Variants in MOSMO observed in about 807,000 individuals in gnomAD.
MOSMO encodes modulator of smoothened.
MOSMO carries 5 observed loss-of-function variants against 18.4 expected under a neutral mutation model. The observed-to-expected ratio is 0.27, with a 90% CI of 0.14 to 0.57. The LOEUF is 0.57. Ranked by LOEUF, MOSMO falls within the 20% of genes least tolerant of loss-of-function variation. The pLI, the probability that MOSMO is intolerant of heterozygous loss-of-function variation, is 0.92. For synonymous variants in MOSMO, 82 were observed against 82.3 expected, an observed-to-expected ratio of 1.00 and a Z score of 0.02; for missense variants, 138 against 211.8, an observed-to-expected ratio of 0.65 and a Z score of 2.16.
chr16:22,033,108 T>C (rs373326554), intron 1 of MOSMO, among the ~76,000 whole-genome samples: 22 of 152,302 alleles, frequency 1.4e-4, no homozygotes, highest in African/African-American at 4.8e-4. Flanking sequence ...GGTTTTGAAA[T>C]TGAGAAGTTT....
intron 1 of MOSMO, among the ~76,000 whole-genome samples, chr16:22,010,848 G>T (rs1317288503): frequency 1.3e-5 from 2 of 152,030 alleles, no homozygotes; most frequent in Non-Finnish European, 2.9e-5. Context: ...TTGAACTTGG[G>T]AGGCGGAGGT....
At chr16:22,092,476 G>GC (rs1450288723), downstream of MOSMO, 1 of 780,798 alleles carries the variant, frequency 1.3e-6, no homozygotes, top group African/African-American at 1.8e-5. Flanking sequence ...GCCCCGAGCT[G>GC]CAGTGGTGCA....
intron 1 of MOSMO, among the ~76,000 whole-genome samples, chr16:22,045,445 A>G (rs914497383): frequency 7.9e-5 from 12 of 152,152 alleles, no homozygotes; most frequent in African/African-American, 2.9e-4. Flanking sequence ...CTGGGCCTTG[A>G]TGGGTAGTAA....
intron 2 of MOSMO, among the ~76,000 whole-genome samples, chr16:22,080,042 C>G (rs1269316292): frequency 2.6e-5 from 4 of 152,130 alleles, no homozygotes; most frequent in South Asian, 2.1e-4. Context: ...CCTCGGCCCC[C>G]CAAAGTGCTG....
chr16:22,016,497 T>G (rs1899640022), intron 1 of MOSMO, among the ~76,000 whole-genome samples: 1 of 152,152 alleles, frequency 6.6e-6, no homozygotes, highest in Non-Finnish European at 1.5e-5. Flanking sequence ...CCCAGCTGGG[T>G]CCAATCTGGG....
chr16:22,074,283 A>G (rs1900919035), intron 1 of MOSMO, among the ~76,000 whole-genome samples: 1 of 152,180 alleles, frequency 6.6e-6, no homozygotes, highest in Non-Finnish European at 1.5e-5. Context: ...TGAGAAAATA[A>G]TGCTGGCCAG....
At chr16:22,041,892 C>A (rs746914233) in intron 1 of MOSMO, among the ~76,000 whole-genome samples, 7 of 151,970 alleles carry the variant, frequency 4.6e-5, no homozygotes, top group African/African-American at 7.3e-5. Flanking sequence ...ATGTTTGTTG[C>A]CCAGCTTGGT....
intron 1 of MOSMO, among the ~76,000 whole-genome samples, chr16:22,018,742 C>T (rs1323645134): frequency 6.6e-6 from 1 of 151,986 alleles, no homozygotes; most frequent in African/African-American, 2.4e-5. Context: ...GAGTATGTAC[C>T]AACATATGCA....
intron 1 of MOSMO, among the ~76,000 whole-genome samples, chr16:22,023,658 C>T (rs1446464162): frequency 6.6e-6 from 1 of 151,984 alleles, no homozygotes. Context: ...TCCAACTTGG[C>T]CATTCAAGCA....
At chr16:22,076,180 A>G (rs955974031) in intron 2 of MOSMO, 1 of 168,440 alleles carries the variant, frequency 5.9e-6, no homozygotes, top group African/African-American at 2.4e-5. Context: ...TTGTTTATCA[A>G]TATTTCTTAC....
intron 2 of MOSMO, among the ~76,000 whole-genome samples, chr16:22,079,632 C>T (rs549533415): frequency 6.6e-6 from 1 of 152,234 alleles, no homozygotes; most frequent in African/African-American, 2.4e-5. Flanking sequence ...ACCTATCCTC[C>T]CTGACTTTAA....
intron 1 of MOSMO, among the ~76,000 whole-genome samples, chr16:22,025,602 GA>G (rs1567501808): frequency 6.6e-6 from 1 of 151,990 alleles, no homozygotes; most frequent in Non-Finnish European, 1.5e-5. Context: ...AACCATCAAG[GA>G]AAAAAGGAAT....
chr16:22,031,808 C>T (rs1473712574), intron 1 of MOSMO, among the ~76,000 whole-genome samples: 1 of 152,178 alleles, frequency 6.6e-6, no homozygotes, highest in Non-Finnish European at 1.5e-5. Flanking sequence ...CAAATAACGC[C>T]TCTGTGAACC....
chr16:22,070,674 C>A (rs565450160), intron 1 of MOSMO, among the ~76,000 whole-genome samples: 7 of 151,482 alleles, frequency 4.6e-5, no homozygotes, highest in Admixed American at 3.3e-4. Context: ...TTTTTTTTGG[C>A]CAGTTTGCTA....
At chr16:22,015,631 C>G (rs1393576958) in intron 1 of MOSMO, among the ~76,000 whole-genome samples, 2 of 152,140 alleles carry the variant, frequency 1.3e-5, no homozygotes, top group Non-Finnish European at 2.9e-5. Context: ...TTACAGTACT[C>G]ACAGGACATG....
chr16:22,058,456 T>A (rs1251557852), intron 1 of MOSMO, among the ~76,000 whole-genome samples: 1 of 151,628 alleles, frequency 6.6e-6, no homozygotes, highest in African/African-American at 2.4e-5. Context: ...AAGAAACAAT[T>A]GCTTTGCAGT....
intron 2 of MOSMO, among the ~76,000 whole-genome samples, chr16:22,079,000 G>T (rs1223276417): frequency 6.6e-6 from 1 of 152,212 alleles, no homozygotes; most frequent in African/African-American, 2.4e-5. Context: ...CTGTAAGTTT[G>T]TATAATATAA....
At chr16:22,011,505 A>G (rs1001892124) in intron 1 of MOSMO, among the ~76,000 whole-genome samples, 4 of 152,176 alleles carry the variant, frequency 2.6e-5, no homozygotes, top group African/African-American at 9.7e-5. Context: ...CGAATAGCAG[A>G]TGGTACAATG....
intron 1 of MOSMO, among the ~76,000 whole-genome samples, chr16:22,044,299 T>A (rs761277835): frequency 1.3e-5 from 2 of 152,184 alleles, no homozygotes; most frequent in Non-Finnish European, 2.9e-5. Context: ...GCCAGAAGTG[T>A]TGTGTTTGCA....
Sources: allele counts gnomAD v4.1 joint callset (sites outside exome capture counted in the v4.1 genomes callset), GRCh38; gene constraint gnomAD v4.1.1; transcripts MANE v1.5; gene names NCBI Gene and HGNC (gene_info 2026-07-23, HGNC 2026-07-21).